The following SYT16 variants were observed in gnomAD, a reference collection of about 807,000 sequenced individuals.
SYT16 encodes synaptotagmin 16.
SYT16 carries 42 observed loss-of-function variants against 61.4 expected under a neutral mutation model. The observed-to-expected ratio is 0.68, with a 90% CI of 0.53 to 0.89. The LOEUF is 0.89. Ranked by LOEUF, SYT16 falls within the 40% of genes least tolerant of loss-of-function variation. The probability of loss-of-function intolerance (pLI) is 0.00; values close to 1 mark genes in which losing one functional copy is unlikely to be tolerated. For missense variants in SYT16, 804 were observed against 807.3 expected (o/e 1.00, Z 0.05); for synonymous variants, 314 against 302.3 (o/e 1.04, Z -0.40).
At chr14:62,062,967 G>A (rs2055893341) in intron 3 of SYT16, among the ~76,000 whole-genome samples, 1 of 152,206 alleles carries the variant, frequency 6.6e-6, no homozygotes, top group Non-Finnish European at 1.5e-5. Flanking sequence ...CATCTGTAAA[G>A]TAGCAGCAGA....
rs1262755617 is a variant in SYT16, at chr14:62,109,622, T to A, written c.*8915T>A. 11 of 152,182 alleles carry A rather than the reference T, an allele frequency of 7.2e-5. No homozygotes were observed. The highest frequency in any genetic ancestry group is 1.5e-4 in the Non-Finnish European group (10 of 68,024). The allele number at this position is 152,182 out of a possible 1,614,324, so 9.4% of individuals were successfully genotyped here. ...AATAATTTCATAATTTATATTACCCTATCTATGAGTTTTTCCCTCCATTGG... is the reference window on the plus strand; with the variant it reads ...AATAATTTCATAATTTATATTACCCAATCTATGAGTTTTTCCCTCCATTGG... On this transcript the variant is annotated 3_prime_UTR_variant, in exon 8 of 8. Coordinates refer to ENST00000683842, the MANE Select transcript of SYT16 (RefSeq NM_001367656.1).
chr14:61,945,855 C>CAAAA (rs60917584), intron 1 of SYT16, among the ~76,000 whole-genome samples: 19 of 64,516 alleles, frequency 2.9e-4, no homozygotes, highest in East Asian at 7.7e-4. Flanking sequence ...GACTCCGTCT[C>CAAAA]AAAAAAAAAA....
At chr14:61,835,999 A>T (rs112204824) in intron 1 of SYT16, among the ~76,000 whole-genome samples, 1,616 of 152,316 alleles carry the variant, frequency 0.011, 34 homozygotes, top group African/African-American at 0.034. Context: ...ATCACCGGGA[A>T]CTTGTTAGAA....
At chr14:61,834,760 A>C (rs2046071021) in intron 1 of SYT16, among the ~76,000 whole-genome samples, 1 of 152,066 alleles carries the variant, frequency 6.6e-6, no homozygotes, top group East Asian at 1.9e-4. Flanking sequence ...GATATACCAG[A>C]TCACCCATCC....
At chr14:61,952,005 T>C (rs967033752) in intron 1 of SYT16, among the ~76,000 whole-genome samples, 1 of 152,032 alleles carries the variant, frequency 6.6e-6, no homozygotes, top group African/African-American at 2.4e-5. Context: ...CCCAGGCTGG[T>C]TTCGAACTCC....
Position 62,105,721 on chromosome 14 carries a change from C to A in SYT16, c.*5014C>A, listed in dbSNP as rs1249747443. 1 of 152,168 alleles carries A rather than the reference C, an allele frequency of 6.6e-6. No homozygotes were observed. Among genetic ancestry groups the A allele is most frequent in the African/African-American group, 2.4e-5 (1 of 41,422 alleles). The allele number at this position is 152,168 out of a possible 1,614,324, so 9.4% of individuals were successfully genotyped here. A position where few individuals can be genotyped will look rare whatever the true frequency, so the allele number is the denominator to read the frequency against. ...TTGTTGACATTTAATCTAGAGAAGT[C>A]TTCAGGAGCAAACCACTTCAAGTTC... On this transcript the variant is annotated 3_prime_UTR_variant, in exon 8 of 8. Coordinates refer to ENST00000683842, the MANE Select transcript of SYT16 (RefSeq NM_001367656.1).
In SYT16 at chr14:62,106,316, T is replaced by G. The variant is rs976041606; in HGVS notation, c.*5609T>G. Reference sequence around the variant, plus strand: ...CATAAACAGTAGAGTTCCTTGTTACTAGTATTGGAAGGTGAAACATTGGCT... The same window carrying G: ...CATAAACAGTAGAGTTCCTTGTTACGAGTATTGGAAGGTGAAACATTGGCT... On this transcript the variant is annotated 3_prime_UTR_variant, in exon 8 of 8. Coordinates refer to ENST00000683842, the MANE Select transcript of SYT16 (RefSeq NM_001367656.1). The G allele has an allele frequency of 2.0e-5, 3 of 152,176 alleles. No individual in the cohort carries two copies. Among genetic ancestry groups the G allele is most frequent in the Non-Finnish European group, 4.4e-5 (3 of 68,042 alleles). 9.4% of individuals were successfully genotyped at this position (152,176 alleles called of 1,614,324 possible).
In SYT16 at chr14:61,958,235, T is replaced by C. The variant is rs567844885; in HGVS notation, c.-324-11897T>C. The stretch of plus-strand genomic sequence containing the variant: ...TTTTCAGAAAAACAACTCAGTTTTT[T>C]CAGTTTTTAAAATTGTTCTTCCATT... On this transcript the variant is annotated intron_variant, in intron 1 of 7. Transcript: ENST00000683842. 1.7e-4 allele frequency among the ~76,000 whole-genome samples: 26 copies of C among 151,928 alleles called. No individual in the cohort carries two copies. In the South Asian group the frequency reaches 5.4e-3, roughly 31 times the overall value.
intron 3 of SYT16, among the ~76,000 whole-genome samples, chr14:62,058,830 T>G (rs190458064): frequency 6.6e-6 from 1 of 152,280 alleles, no homozygotes; most frequent in African/African-American, 2.4e-5. Flanking sequence ...TAAATGTCCA[T>G]CAGTGGTAGA....
At chr14:61,992,904 T>C (rs2052613660) in intron 2 of SYT16, among the ~76,000 whole-genome samples, 1 of 152,146 alleles carries the variant, frequency 6.6e-6, no homozygotes, top group African/African-American at 2.4e-5. Context: ...AACTTTGCAG[T>C]TTAAGTAACA....
intron 1 of SYT16, among the ~76,000 whole-genome samples, chr14:61,966,942 C>T (rs1476613092): frequency 6.6e-6 from 1 of 152,204 alleles, no homozygotes; most frequent in Admixed American, 6.5e-5. Context: ...CTTTTGCTAG[C>T]TGCTGAGAGT....
chr14:61,874,145 G>A (rs1223228440), intron 1 of SYT16, among the ~76,000 whole-genome samples: 1 of 152,216 alleles, frequency 6.6e-6, no homozygotes, highest in Non-Finnish European at 1.5e-5. Context: ...GTGAACTCTA[G>A]TTGCATAGAA....
chr14:61,814,343 A>G (rs573201481), intron 1 of SYT16, among the ~76,000 whole-genome samples: 2 of 152,346 alleles, frequency 1.3e-5, no homozygotes, highest in Admixed American at 1.3e-4. Context: ...TCAACAAAGA[A>G]GGAGATCATG....
chr14:61,982,966 CT>C (rs761940399), intron 2 of SYT16, among the ~76,000 whole-genome samples: 5 of 152,168 alleles, frequency 3.3e-5, no homozygotes, highest in African/African-American at 4.8e-5. Flanking sequence ...TTTTGTGCTT[CT>C]CTTGTCAGCA....
At chr14:61,902,063 T>C (rs565900420) in intron 1 of SYT16, among the ~76,000 whole-genome samples, 74 of 152,250 alleles carry the variant, frequency 4.9e-4, no homozygotes, top group African/African-American at 1.6e-3. Flanking sequence ...GTTCCAGACC[T>C]GCTTATAATT....
chr14:61,847,082 GT>G (rs1448581460), intron 1 of SYT16, among the ~76,000 whole-genome samples: 1 of 152,054 alleles, frequency 6.6e-6, no homozygotes, highest in Non-Finnish European at 1.5e-5. Flanking sequence ...CTTAAGACTA[GT>G]TTACACACCA....
At chr14:61,817,951 C>G (rs2045493161) in intron 1 of SYT16, among the ~76,000 whole-genome samples, 1 of 152,096 alleles carries the variant, frequency 6.6e-6, no homozygotes, top group Non-Finnish European at 1.5e-5. Context: ...TTTAGGAGTT[C>G]CTTGTGCTGT....
chr14:61,865,075 C>T (rs530323081), intron 1 of SYT16: 1 of 1,378,526 alleles, frequency 7.3e-7, no homozygotes. Context: ...GTGCAGCTTG[C>T]GGGAAATGGC....
At chr14:61,960,941 T>C (rs1370513396) in intron 1 of SYT16, among the ~76,000 whole-genome samples, 1 of 152,074 alleles carries the variant, frequency 6.6e-6, no homozygotes, top group Non-Finnish European at 1.5e-5. Context: ...TGGAACAGAA[T>C]AGAGAGCCTA....
Sources: allele counts gnomAD v4.1 joint callset (sites outside exome capture counted in the v4.1 genomes callset), GRCh38; gene constraint gnomAD v4.1.1; transcripts MANE v1.5; gene names NCBI Gene and HGNC (gene_info 2026-07-23, HGNC 2026-07-21).